DOK6: variants seen among roughly 807,000 people sequenced by gnomAD.
The protein encoded by DOK6 is downstream of tyrosine kinase 6.
In DOK6, 22 loss-of-function variants were observed where a neutral mutation model predicts 44.0. That is an observed-to-expected ratio of 0.50 (90% CI 0.36 to 0.71). The LOEUF is 0.71. Ranked by LOEUF, DOK6 falls within the 30% of genes least tolerant of loss-of-function variation. The pLI is 0.00. For missense variants in DOK6, 340 were observed against 416.4 expected (o/e 0.82, Z 1.60); for synonymous variants, 166 against 145.5 (o/e 1.14, Z -1.01).
intron 7 of DOK6, among the ~76,000 whole-genome samples, chr18:69,774,998 A>G (rs1281570003): frequency 6.6e-6 from 1 of 151,932 alleles, no homozygotes; most frequent in African/African-American, 2.4e-5. Flanking sequence ...AGAACAGCAA[A>G]CCAGATTGAC....
intron 1 of DOK6, among the ~76,000 whole-genome samples, chr18:69,552,937 C>A (rs992941059): frequency 1.4e-4 from 22 of 152,188 alleles, no homozygotes; most frequent in Non-Finnish European, 4.4e-5. Flanking sequence ...TTTTAGAAGG[C>A]TGTCTATCAA....
chr18:69,765,559 G>C (rs1979690248), intron 7 of DOK6, among the ~76,000 whole-genome samples: 1 of 152,140 alleles, frequency 6.6e-6, no homozygotes, highest in African/African-American at 2.4e-5. Context: ...TGCTCCCATA[G>C]ACATTTGTGT....
chr18:69,769,066 T>A (rs1457999910), intron 7 of DOK6, among the ~76,000 whole-genome samples: 1 of 151,824 alleles, frequency 6.6e-6, no homozygotes, highest in Non-Finnish European at 1.5e-5. Context: ...TATATTATGT[T>A]GGTTTGGTAA....
At position 69,653,932 on chromosome 18, in the gene DOK6, G is replaced by A. The variant is rs142876633; in HGVS notation, c.290-23802G>A. 5.0e-3 allele frequency among the ~76,000 whole-genome samples: 762 copies of A among 152,078 alleles called. 10 individuals carry two copies. Among genetic ancestry groups the A allele is most frequent in the African/African-American group, 0.017 (697 of 41,472 alleles). ...GAAAAAAAATGGTTAATAGAAATGG[G>A]GCCACAGATTATCCAATATGAGAGT... On this transcript the variant is annotated intron_variant, in intron 3 of 7. Transcript: ENST00000382713.
chr18:69,575,053 CT>C (rs1263243032), intron 2 of DOK6, among the ~76,000 whole-genome samples: 1 of 151,966 alleles, frequency 6.6e-6, no homozygotes, highest in Non-Finnish European at 1.5e-5. Flanking sequence ...CTAGGCTTCC[CT>C]ACTGCACAGC....
rs529784868 is a variant in DOK6 at position 69,413,109 on chromosome 18, T to C, written c.66+11799T>C. Among the ~76,000 whole-genome samples, 29 of 152,282 alleles carry C rather than the reference T, an allele frequency of 1.9e-4. No individual in the cohort carries two copies. The South Asian group carries it at 6.0e-3, about 32-fold the overall frequency. On this transcript the variant is annotated intron_variant, in intron 1 of 7. Transcript: ENST00000382713. ...ACCTGGTTCTCCAGTCCTCTATTCC[T>C]ATTTTGAAATAATAAAAACTTTAAT...
chr18:69,839,306 C>T lies in DOK6; in HGVS notation c.857-1938C>T, dbSNP rs1982144830. On this transcript the variant is annotated intron_variant, in intron 7 of 7. Coordinates refer to ENST00000382713, the MANE Select transcript of DOK6 (RefSeq NM_152721.6). ...TCCCTAGCACTTCCCCTGGTCCTGCCCCTAGTCTCTCCCTAGCTCCTCCCA... is the reference window on the plus strand; with the variant it reads ...TCCCTAGCACTTCCCCTGGTCCTGCTCCTAGTCTCTCCCTAGCTCCTCCCA... Among the ~76,000 whole-genome samples the T allele has an allele frequency of 2.7e-5, 4 of 148,860 alleles. No individual in the cohort carries two copies. In the South Asian group the frequency reaches 8.6e-4, roughly 32 times the overall value.
chr18:69,675,199 A>C (rs1019648607), intron 3 of DOK6, among the ~76,000 whole-genome samples: 61 of 151,680 alleles, frequency 4.0e-4, no homozygotes, highest in African/African-American at 1.4e-3. Flanking sequence ...GAAAGAGTCC[A>C]CTCCAGTTTC....
chr18:69,815,700 T>G (rs1025904009), intron 7 of DOK6, among the ~76,000 whole-genome samples: 3 of 152,196 alleles, frequency 2.0e-5, no homozygotes, highest in African/African-American at 7.2e-5. Flanking sequence ...AGTAGAGGTG[T>G]GATCTACTGT....
At chr18:69,522,256 C>G (rs1383358905) in intron 1 of DOK6, among the ~76,000 whole-genome samples, 2 of 151,856 alleles carry the variant, frequency 1.3e-5, no homozygotes, top group Non-Finnish European at 2.9e-5. Context: ...ACGAGTTACC[C>G]ATTGCATTAG....
At chr18:69,815,618 A>T (rs1222028101) in intron 7 of DOK6, among the ~76,000 whole-genome samples, 1 of 152,194 alleles carries the variant, frequency 6.6e-6, no homozygotes, top group Non-Finnish European at 1.5e-5. Context: ...AGAAAATCTT[A>T]TGATAACCAC....
intron 3 of DOK6, among the ~76,000 whole-genome samples, chr18:69,674,113 AT>A (rs2144682960): frequency 6.6e-6 from 1 of 152,364 alleles, no homozygotes; most frequent in African/African-American, 2.4e-5. Flanking sequence ...ATAGAAAAAA[AT>A]TAACATGCAA....
At chr18:69,559,347 A>G (rs1263273353) in intron 1 of DOK6, among the ~76,000 whole-genome samples, 2 of 152,166 alleles carry the variant, frequency 1.3e-5, no homozygotes, top group Non-Finnish European at 2.9e-5. Flanking sequence ...TATGAGTAAC[A>G]AAGTGACAGA....
chr18:69,679,565 T>C (rs570228136), intron 4 of DOK6, among the ~76,000 whole-genome samples: 18 of 152,328 alleles, frequency 1.2e-4, no homozygotes, highest in African/African-American at 4.3e-4. Flanking sequence ...TCCATAATCA[T>C]GCTGTTTAAA....
intron 6 of DOK6, among the ~76,000 whole-genome samples, chr18:69,741,095 C>T (rs534741273): frequency 5.3e-5 from 8 of 152,098 alleles, no homozygotes; most frequent in African/African-American, 1.7e-4. Context: ...CCAGGGTGTA[C>T]ACCACAGGCG....
chr18:69,651,631 G>A (rs1360732298), intron 3 of DOK6, among the ~76,000 whole-genome samples: 2 of 151,824 alleles, frequency 1.3e-5, no homozygotes, highest in African/African-American at 4.8e-5. Flanking sequence ...TAGGATTACA[G>A]ACATGTGCCA....
At chr18:69,772,111 A>G (rs138958642) in intron 7 of DOK6, among the ~76,000 whole-genome samples, 126 of 152,018 alleles carry the variant, frequency 8.3e-4, no homozygotes, top group Middle Eastern at 3.4e-3. Flanking sequence ...TCCATACTAC[A>G]ATGAGCTATG....
chr18:69,716,592 C>A (rs1046359134), intron 5 of DOK6, among the ~76,000 whole-genome samples: 13 of 150,964 alleles, frequency 8.6e-5, no homozygotes, highest in African/African-American at 2.7e-4. Flanking sequence ...TCAAAATGTC[C>A]CTTTGTTTCA....
intron 7 of DOK6, among the ~76,000 whole-genome samples, chr18:69,800,695 T>C (rs1274127360): frequency 6.6e-6 from 1 of 152,172 alleles, no homozygotes; most frequent in Non-Finnish European, 1.5e-5. Context: ...CAGTGGTTCA[T>C]ATCACATGCC....
Sources: allele counts gnomAD v4.1 joint callset (sites outside exome capture counted in the v4.1 genomes callset), GRCh38; gene constraint gnomAD v4.1.1; transcripts MANE v1.5; gene names NCBI Gene and HGNC (gene_info 2026-07-23, HGNC 2026-07-21).